BCKDHB: variants seen among roughly 807,000 people sequenced by gnomAD.
BCKDHB encodes 2-oxoisovalerate dehydrogenase subunit beta, mitochondrial.
BCKDHB carries 41 observed loss-of-function variants against 48.5 expected under a neutral mutation model. The ratio of observed to expected loss-of-function variants is 0.85; its 90% confidence interval spans 0.66 to 1.10. The LOEUF is 1.10. Among genes scored for constraint, BCKDHB ranks in the 50% least tolerant of loss-of-function variants. The pLI is 0.00. For synonymous variants in BCKDHB, 201 were observed against 174.8 expected, an observed-to-expected ratio of 1.15 and a Z score of -1.18; for missense variants, 496 against 494.2, an observed-to-expected ratio of 1.00 and a Z score of -0.03.
chr6:80,347,499 A>G (rs772831326), downstream of BCKDHB, among the ~76,000 whole-genome samples: 3 of 152,192 alleles, frequency 2.0e-5, no homozygotes, highest in Non-Finnish European at 4.4e-5. Context: ...CTTGGCCTAC[A>G]GTGGGTTGTA....
chr6:80,281,258 G>C (rs1265169075), intron 9 of BCKDHB, among the ~76,000 whole-genome samples: 1 of 152,076 alleles, frequency 6.6e-6, no homozygotes, highest in Non-Finnish European at 1.5e-5. Context: ...GAAGCTGCCT[G>C]GGTTGAAGAA....
the BCKDHB span, among the ~76,000 whole-genome samples, chr6:80,402,345 T>G: frequency 6.6e-6 from 1 of 151,804 alleles, no homozygotes; most frequent in Admixed American, 6.6e-5. Flanking sequence ...GTGGTTTTGA[T>G]TGCATCTTTC....
Position 80,290,797 on chromosome 6 carries a change from C to T in BCKDHB, c.1038+17576C>T, listed in dbSNP as rs1766870544. Among the ~76,000 whole-genome samples the T allele has an allele frequency of 2.0e-5, 3 of 152,268 alleles. No homozygotes were observed. In the South Asian group the frequency reaches 6.2e-4, roughly 32 times the overall value. On this transcript the variant is annotated intron_variant, in intron 9 of 9. Coordinates refer to ENST00000320393, the MANE Select transcript of BCKDHB (RefSeq NM_183050.4). ...TGGCTACTCCATAGACAGAGCAGCC[C>T]CAAGGGCTGGTGGTTGCCCATTTTT...
intron 9 of BCKDHB, among the ~76,000 whole-genome samples, chr6:80,292,369 C>G (rs913374304): frequency 1.3e-5 from 2 of 152,126 alleles, no homozygotes; most frequent in Non-Finnish European, 2.9e-5. Context: ...GATGGAAGAG[C>G]AGGGGAGGTC....
chr6:80,377,959 A>G, the BCKDHB span, among the ~76,000 whole-genome samples: 139,130 of 152,244 alleles, frequency 0.91, 64,881 homozygotes, highest in East Asian at 1. Context: ...TGTGAACACG[A>G]GATATTTTTC....
intron 8 of BCKDHB, among the ~76,000 whole-genome samples, chr6:80,263,087 T>C (rs1425744844): frequency 1.3e-5 from 2 of 152,350 alleles, no homozygotes; most frequent in Non-Finnish European, 1.5e-5. Context: ...GGAGAACTAT[T>C]ATTATTGTAT....
chr6:80,322,444 G>C (rs916101316), intron 9 of BCKDHB, among the ~76,000 whole-genome samples: 2 of 151,708 alleles, frequency 1.3e-5, no homozygotes, highest in African/African-American at 4.8e-5. Flanking sequence ...TCACCATGTT[G>C]GTCAGGCTGG....
chr6:80,127,275 T>C (rs1582191105), intron 1 of BCKDHB: 3 of 404,194 alleles, frequency 7.4e-6, no homozygotes, highest in Admixed American at 3.7e-5. Flanking sequence ...TCTTATTGTC[T>C]ACACGCATTT....
At chr6:80,347,186 C>T (rs1244408144), downstream of BCKDHB, among the ~76,000 whole-genome samples, 1 of 152,112 alleles carries the variant, frequency 6.6e-6, no homozygotes, top group Admixed American at 6.5e-5. Flanking sequence ...GTCTGAATAG[C>T]TATGATCTGA....
chr6:80,154,213 A>G (rs1397845534), intron 3 of BCKDHB, among the ~76,000 whole-genome samples: 1 of 152,172 alleles, frequency 6.6e-6, no homozygotes, highest in Non-Finnish European at 1.5e-5. Flanking sequence ...TCGCATTGTA[A>G]GTTGCGTGAG....
chr6:80,150,432 A>G (rs1228447431), intron 3 of BCKDHB, among the ~76,000 whole-genome samples: 1 of 152,068 alleles, frequency 6.6e-6, no homozygotes, highest in African/African-American at 2.4e-5. Flanking sequence ...ATGATGATTC[A>G]TTTAACTGAT....
chr6:80,317,726 A>G (rs1768522798), intron 9 of BCKDHB, among the ~76,000 whole-genome samples: 1 of 152,186 alleles, frequency 6.6e-6, no homozygotes, highest in Non-Finnish European at 1.5e-5. Context: ...GCATATCACA[A>G]TCCCTTTCTC....
intron 3 of BCKDHB, among the ~76,000 whole-genome samples, chr6:80,156,772 A>C (rs1027381926): frequency 6.6e-6 from 1 of 152,186 alleles, no homozygotes; most frequent in Non-Finnish European, 1.5e-5. Context: ...GATTAAAGTA[A>C]AAACAAAAAC....
intron 9 of BCKDHB, among the ~76,000 whole-genome samples, chr6:80,339,804 C>A (rs1178685583): frequency 6.6e-6 from 1 of 152,180 alleles, no homozygotes; most frequent in Non-Finnish European, 1.5e-5. Context: ...ATAATCCAAG[C>A]CTGCCTTCCA....
intron 9 of BCKDHB, among the ~76,000 whole-genome samples, chr6:80,291,727 G>A (rs1010191503): frequency 7.2e-5 from 11 of 152,004 alleles, no homozygotes; most frequent in African/African-American, 2.7e-4. Context: ...AGTCTAAATT[G>A]TAGGAAAAAC....
the BCKDHB span, among the ~76,000 whole-genome samples, chr6:80,410,344 G>A: frequency 6.6e-6 from 1 of 152,126 alleles, no homozygotes; most frequent in Non-Finnish European, 1.5e-5. Context: ...TTCCCTTTGT[G>A]GGTAACCCGA....
intron 9 of BCKDHB, among the ~76,000 whole-genome samples, chr6:80,325,013 A>G (rs806847): frequency 0.83 from 125,586 of 152,160 alleles, 52,325 homozygotes; most frequent in Admixed American, 0.89. Context: ...ATTCAATGCA[A>G]TCAGTTATTT....
At position 80,296,634 on chromosome 6, in the gene BCKDHB, AACCTTTTATAACCCTTTACATTTTTTTTT is replaced by A. The variant is rs1215712809; in HGVS notation, c.1038+23415_1038+23443del. ...TTGACCATAAGGTAATAGTCTCATA[AACCTTTTATAACCCTTTACATTTTTTTTT>A]AATGAGCAGATCAGTGCTATGAAAA... On this transcript the variant is annotated intron_variant, in intron 9 of 9. Coordinates refer to ENST00000320393, the MANE Select transcript of BCKDHB (RefSeq NM_183050.4). Among the ~76,000 whole-genome samples the A allele has an allele frequency of 3.3e-5, 5 of 152,136 alleles. No homozygotes were observed. The East Asian group carries it at 9.6e-4, about 29-fold the overall frequency.
At chr6:80,397,886 A>G in the BCKDHB span, among the ~76,000 whole-genome samples, 363 of 152,238 alleles carry the variant, frequency 2.4e-3, 2 homozygotes, top group Admixed American at 4.9e-3. Flanking sequence ...TCAAAAACAA[A>G]CCAACAAACC....
Sources: gnomAD v4.1 joint callset for allele counts (sites outside exome capture counted in the v4.1 genomes callset) on GRCh38, gnomAD v4.1.1 for gene constraint, MANE v1.5 for transcripts, NCBI Gene and HGNC (gene_info 2026-07-23, HGNC 2026-07-21) for gene names.